The following LHFPL3 variants were observed in gnomAD, a reference collection of about 807,000 sequenced individuals.
LHFPL3 encodes LHFPL tetraspan subfamily member 3 protein.
In LHFPL3, 5 loss-of-function variants were observed where a neutral mutation model predicts 19.3. The observed-to-expected ratio is 0.26, with a 90% confidence interval of 0.14 to 0.54. The LOEUF is 0.54. Ranked by LOEUF, LHFPL3 falls within the 20% of genes least tolerant of loss-of-function variation. The pLI is 0.94. For missense variants in LHFPL3, 249 were observed against 307.4 expected (o/e 0.81, Z 1.42); for synonymous variants, 133 against 126.2 (o/e 1.05, Z -0.36).
chr7:104,471,086 A>T (rs1792898741), intron 1 of LHFPL3, among the ~76,000 whole-genome samples: 1 of 152,136 alleles, frequency 6.6e-6, no homozygotes. Flanking sequence ...TAAACATGGA[A>T]TTCTCGTGAT....
chr7:104,491,470 TAA>T (rs71153199), intron 1 of LHFPL3, among the ~76,000 whole-genome samples: 1 of 145,902 alleles, frequency 6.9e-6, no homozygotes, highest in Non-Finnish European at 1.5e-5. Flanking sequence ...TTTTTCCATG[TAA>T]AAAAAAAAAC....
intron 2 of LHFPL3, among the ~76,000 whole-genome samples, chr7:104,840,752 A>AAATT (rs1791187108): frequency 6.6e-6 from 1 of 152,058 alleles, no homozygotes; most frequent in South Asian, 2.1e-4. Flanking sequence ...AGGAAGTGGG[A>AAATT]AATTAAACTA....
chr7:104,439,243 C>T (rs1037001019), intron 1 of LHFPL3, among the ~76,000 whole-genome samples: 7 of 152,098 alleles, frequency 4.6e-5, no homozygotes, highest in African/African-American at 1.7e-4. Context: ...CTGTGCCCAG[C>T]CCTACAAACT....
chr7:104,360,170 C>T (rs1488694046), intron 1 of LHFPL3, among the ~76,000 whole-genome samples: 1 of 152,172 alleles, frequency 6.6e-6, no homozygotes, highest in Non-Finnish European at 1.5e-5. Flanking sequence ...GTGGGTGATC[C>T]AGGGAAGCCA....
At chr7:104,840,352 G>T (rs1584568854) in intron 2 of LHFPL3, among the ~76,000 whole-genome samples, 1 of 118,050 alleles carries the variant, frequency 8.5e-6, no homozygotes, top group African/African-American at 3.3e-5. Context: ...GTCTCACTCT[G>T]TCACCGAGGC....
chr7:104,328,969 G>A lies in LHFPL3; in HGVS notation c.190G>A (p.Gly64Ser), dbSNP rs1312475055. The change falls in exon 1 of 3, where the codon GGC becomes AGC. Residue 64 changes from glycine to serine, a missense_variant. Physicochemically the swap from Gly to Ser is moderately conservative, Grantham distance 56. Coordinates refer to ENST00000424859, the MANE Select transcript of LHFPL3 (RefSeq NM_199000.3). This position sits in a 1 kb window ranked among gnomAD's most constrained non-coding sequence, Gnocchi z 4.6. ...CATCCAGCCCTACTGGATAGGCGACGGCGTGGACACCCCGCAAGCCGGCTA... is the reference window on the plus strand; with the variant it reads ...CATCCAGCCCTACTGGATAGGCGACAGCGTGGACACCCCGCAAGCCGGCTA... ...CFIQPYWIGD[G>S]VDTPQAGYFG... 6.2e-7 allele frequency: 1 copy of A among 1,614,168 alleles called. No individual in the cohort carries two copies. Among genetic ancestry groups the A allele is most frequent in the African/African-American group, 1.3e-5 (1 of 75,060 alleles).
At chr7:104,397,894 C>T (rs1791224252) in intron 1 of LHFPL3, among the ~76,000 whole-genome samples, 2 of 152,264 alleles carry the variant, frequency 1.3e-5, no homozygotes, top group East Asian at 1.9e-4. Context: ...ATCCTATGGA[C>T]ACATAGTTTA....
At chr7:104,455,263 GCTTATCT>G (rs2116609005) in intron 1 of LHFPL3, among the ~76,000 whole-genome samples, 1 of 152,302 alleles carries the variant, frequency 6.6e-6, no homozygotes, top group African/African-American at 2.4e-5. Context: ...ATCGTGAAAT[GCTTATCT>G]CAGGTCTACA....
At chr7:104,487,806 A>T (rs1017914425) in intron 1 of LHFPL3, among the ~76,000 whole-genome samples, 1 of 152,130 alleles carries the variant, frequency 6.6e-6, no homozygotes, top group African/African-American at 2.4e-5. Context: ...TCCATATATG[A>T]TGTTTGTTCA....
chr7:104,902,419 GAGA>G (rs1248326238), intron 2 of LHFPL3, among the ~76,000 whole-genome samples: 3 of 151,630 alleles, frequency 2.0e-5, no homozygotes, highest in Non-Finnish European at 2.9e-5. Flanking sequence ...GGAGGGAGAG[GAGA>G]AGGAGGAGGA....
At chr7:104,515,218 C>A (rs547827262) in intron 1 of LHFPL3, among the ~76,000 whole-genome samples, 1 of 152,188 alleles carries the variant, frequency 6.6e-6, no homozygotes, top group Non-Finnish European at 1.5e-5. Flanking sequence ...AAAAACACAT[C>A]TTTCCATCCA....
At chr7:104,847,890 T>C (rs1240507819) in intron 2 of LHFPL3, among the ~76,000 whole-genome samples, 2 of 152,238 alleles carry the variant, frequency 1.3e-5, no homozygotes, top group Non-Finnish European at 2.9e-5. Context: ...AGATATCAAG[T>C]TTAGCCGAAT....
chr7:104,524,179 A>G (rs1371735969), intron 1 of LHFPL3, among the ~76,000 whole-genome samples: 1 of 152,196 alleles, frequency 6.6e-6, no homozygotes, highest in East Asian at 1.9e-4. Flanking sequence ...TGGTGAGAGA[A>G]GTTAGACAAG....
chr7:104,607,736 G>T (rs574047194), intron 1 of LHFPL3, among the ~76,000 whole-genome samples: 1 of 152,110 alleles, frequency 6.6e-6, no homozygotes, highest in South Asian at 2.1e-4. Context: ...GAAAATTTTC[G>T]CAACCTACTC....
chr7:104,344,770 T>C (rs1790032170), intron 1 of LHFPL3, among the ~76,000 whole-genome samples: 1 of 152,236 alleles, frequency 6.6e-6, no homozygotes, highest in African/African-American at 2.4e-5. Flanking sequence ...TTATTTTCCT[T>C]TGGGTAGCTA....
At chr7:104,393,739 T>G (rs536440061) in intron 1 of LHFPL3, among the ~76,000 whole-genome samples, 1 of 152,158 alleles carries the variant, frequency 6.6e-6, no homozygotes, top group South Asian at 2.1e-4. Context: ...AAATCATATA[T>G]TCATACAAAG....
intron 2 of LHFPL3, among the ~76,000 whole-genome samples, chr7:104,867,101 C>T (rs995722772): frequency 2.1e-4 from 32 of 152,114 alleles, no homozygotes; most frequent in East Asian, 5.8e-4. Context: ...ATTTATAGCA[C>T]GAAATGCCCA....
chr7:104,764,772 A>G (rs1463614155), intron 2 of LHFPL3, among the ~76,000 whole-genome samples: 1 of 152,216 alleles, frequency 6.6e-6, no homozygotes, highest in Admixed American at 6.5e-5. Flanking sequence ...TAGTATTTAT[A>G]ACTATATATT....
chr7:104,756,700 A>G (rs1794292046), intron 2 of LHFPL3, among the ~76,000 whole-genome samples: 1 of 152,066 alleles, frequency 6.6e-6, no homozygotes, highest in South Asian at 2.1e-4. Flanking sequence ...GGGTTTCACC[A>G]TGTTGACTAG....
Sources: gnomAD v4.1 joint callset for allele counts (sites outside exome capture counted in the v4.1 genomes callset) on GRCh38, gnomAD v4.1.1 for gene constraint, Gnocchi (gnomAD v3.1) non-coding constraint, MANE v1.5 for transcripts, NCBI Gene and HGNC (gene_info 2026-07-23, HGNC 2026-07-21) for gene names.